Variants in DLC1 observed in about 807,000 individuals in gnomAD.
DLC1 encodes DLC1 Rho GTPase activating protein.
A neutral mutation model predicts 140.3 loss-of-function variants in DLC1; 54 were observed. The ratio of observed to expected loss-of-function variants is 0.38; its 90% CI spans 0.31 to 0.48. The LOEUF (loss-of-function observed/expected upper bound fraction) is 0.48, where lower values mean the gene tolerates loss of function less well. Ranked by LOEUF, DLC1 falls within the 20% of genes least tolerant of loss-of-function variation. DLC1 has a pLI of 0.96. For synonymous variants in DLC1, 986 were observed against 728.1 expected, an observed-to-expected ratio of 1.35 and a Z score of -5.70; for missense variants, 2,536 against 1,907.0, an observed-to-expected ratio of 1.33 and a Z score of -6.14.
chr8:13,206,304 A>G (rs1465441418), intron 5 of DLC1, among the ~76,000 whole-genome samples: 3 of 152,176 alleles, frequency 2.0e-5, no homozygotes, highest in Admixed American at 2.0e-4. Flanking sequence ...CCCAGTAAAA[A>G]CACAGTCGAC....
At chr8:13,332,923 C>T (rs1349959) in intron 4 of DLC1, among the ~76,000 whole-genome samples, 129,804 of 151,676 alleles carry the variant, frequency 0.86, 55,952 homozygotes, top group East Asian at 0.95. Context: ...TCTCGGATGC[C>T]AAAATCTCCT....
intron 5 of DLC1, among the ~76,000 whole-genome samples, chr8:13,171,473 T>G (rs958577136): frequency 2.0e-5 from 3 of 152,098 alleles, no homozygotes; most frequent in Non-Finnish European, 4.4e-5. Flanking sequence ...TCACTGCAGC[T>G]TCAAACTCCT....
At chr8:13,580,107 T>A (rs1805030566) in intron 1 of DLC1, among the ~76,000 whole-genome samples, 1 of 116,642 alleles carries the variant, frequency 8.6e-6, no homozygotes, top group Non-Finnish European at 1.8e-5. Context: ...CAGCTTCTAA[T>A]TTAAGTTGGT....
At chr8:13,351,776 T>G (rs980348313) in intron 4 of DLC1, among the ~76,000 whole-genome samples, 2 of 152,238 alleles carry the variant, frequency 1.3e-5, no homozygotes, top group East Asian at 1.9e-4. Flanking sequence ...AATAATTCCC[T>G]GGATGTCTAT....
chr8:13,171,557 A>AT (rs1825483048), intron 5 of DLC1, among the ~76,000 whole-genome samples: 2 of 151,808 alleles, frequency 1.3e-5, no homozygotes, highest in South Asian at 4.2e-4. Context: ...TGCCCCACTA[A>AT]TTTTTTATTT....
intron 5 of DLC1, among the ~76,000 whole-genome samples, chr8:13,269,725 AGACACATTAT>A (rs1830843912): frequency 6.9e-6 from 1 of 145,830 alleles, no homozygotes; most frequent in Non-Finnish European, 1.5e-5. Flanking sequence ...AAAAAAAAAA[AGACACATTAT>A]AATTAAAACT....
At chr8:13,451,865 T>C (rs1799074903) in intron 2 of DLC1, among the ~76,000 whole-genome samples, 3 of 152,184 alleles carry the variant, frequency 2.0e-5, no homozygotes, top group Non-Finnish European at 1.5e-5. Flanking sequence ...TTAATTTCTT[T>C]TTTTGGGAGG....
chr8:13,570,486 C>T (rs1043169506), intron 1 of DLC1, among the ~76,000 whole-genome samples: 1 of 137,542 alleles, frequency 7.3e-6, no homozygotes, highest in African/African-American at 2.8e-5. Context: ...TGATATTCCC[C>T]TTCCTGTGTC....
At chr8:13,090,157 C>G (rs754128463) in intron 15 of DLC1, 95 bp downstream of exon 15, 1 of 1,217,328 alleles carries the variant, frequency 8.2e-7, no homozygotes, top group African/African-American at 1.5e-5. Flanking sequence ...GGCTACAGAT[C>G]CCCAGACAGA....
chr8:13,494,578 T>A (rs756171269), intron 2 of DLC1, among the ~76,000 whole-genome samples: 2 of 152,140 alleles, frequency 1.3e-5, no homozygotes, highest in Non-Finnish European at 2.9e-5. Context: ...TATCCCTATT[T>A]TATGCGTGTG....
intron 5 of DLC1, among the ~76,000 whole-genome samples, chr8:13,296,418 G>A (rs1304135752): frequency 1.3e-5 from 2 of 152,162 alleles, no homozygotes; most frequent in Admixed American, 1.3e-4. Flanking sequence ...ATGCAAAGCT[G>A]TCTTATTGGC....
At chr8:13,523,713 C>T (rs978099918) in intron 1 of DLC1, among the ~76,000 whole-genome samples, 3 of 152,010 alleles carry the variant, frequency 2.0e-5, no homozygotes, top group Non-Finnish European at 4.4e-5. Flanking sequence ...AAAAAATTAG[C>T]ATGGTTTAGA....
chr8:13,502,178 A>G (rs1801849291), intron 1 of DLC1, among the ~76,000 whole-genome samples: 1 of 152,222 alleles, frequency 6.6e-6, no homozygotes, highest in East Asian at 1.9e-4. Flanking sequence ...CTCAACCTTG[A>G]CAAGTAGGTA....
intron 1 of DLC1, among the ~76,000 whole-genome samples, chr8:13,574,781 C>T (rs1045450180): frequency 6.6e-6 from 1 of 152,156 alleles, no homozygotes; most frequent in Non-Finnish European, 1.5e-5. Context: ...TCAGCTCAAT[C>T]CTGAACATCT....
rs10113005 is a variant in DLC1 at position 13,580,125 on chromosome 8, A to T, written c.-126+24412T>A. ...CTTCTAATTTAAGTTGGTTACATTTATTTTTTTATTTTTTTGAGACAGAGT... is the reference window on the plus strand; with the variant it reads ...CTTCTAATTTAAGTTGGTTACATTTTTTTTTTTATTTTTTTGAGACAGAGT... On this transcript the variant is annotated intron_variant, in intron 1 of 1. Transcript: ENST00000631382. 4.6e-3 allele frequency among the ~76,000 whole-genome samples: 55 copies of T among 12,016 alleles called. 1 individual carries two copies. The highest frequency in any genetic ancestry group is 0.027 in the South Asian group (7 of 262). 7.9% of individuals were successfully genotyped at this position (12,016 alleles called of 152,430 possible).
intron 2 of DLC1, among the ~76,000 whole-genome samples, chr8:13,412,879 C>G (rs569650922): frequency 2.2e-5 from 3 of 138,680 alleles, no homozygotes; most frequent in Non-Finnish European, 4.5e-5. Flanking sequence ...TTGCAGTAAG[C>G]TGAGATCGTG....
intron 4 of DLC1, among the ~76,000 whole-genome samples, chr8:13,328,351 CA>C (rs1833452829): frequency 7.4e-6 from 1 of 135,920 alleles, no homozygotes; most frequent in South Asian, 2.8e-4. Flanking sequence ...ATTCATGCCT[CA>C]GTTATATTTT....
chr8:13,091,519 A>AG lies in DLC1; in HGVS notation c.3741-88dup, dbSNP rs1308528585. 4 of 1,251,754 alleles carry AG rather than the reference A, an allele frequency of 3.2e-6. 1 individual carries two copies. Among genetic ancestry groups the AG allele is most frequent in the South Asian group, 3.2e-5 (2 of 61,840 alleles). The allele number at this position is 1,251,754 out of a possible 1,614,324, so 77.5% of individuals were successfully genotyped here. A position where few individuals can be genotyped will look rare whatever the true frequency, so the allele number is the denominator to read the frequency against. Reference sequence around the variant, plus strand: ...TTATTCAAGGAAACCCAAAGAAGAGAGAAAAAAAAATTTTCACTGGAATCT... The same window carrying AG: ...TTATTCAAGGAAACCCAAAGAAGAGAGGAAAAAAAAATTTTCACTGGAATCT... On this transcript the variant is annotated intron_variant, in intron 13 of 17. Coordinates refer to ENST00000276297, the MANE Select transcript of DLC1 (RefSeq NM_182643.3).
intron 4 of DLC1, among the ~76,000 whole-genome samples, chr8:13,378,234 C>T (rs1487775634): frequency 1.3e-5 from 2 of 149,008 alleles, no homozygotes; most frequent in Admixed American, 1.3e-4. Flanking sequence ...TGTAAGATGT[C>T]CTAATTCCAG....
Sources: gnomAD v4.1 joint callset for allele counts (sites outside exome capture counted in the v4.1 genomes callset) on GRCh38, gnomAD v4.1.1 for gene constraint, MANE v1.5 for transcripts, NCBI Gene and HGNC (gene_info 2026-07-23, HGNC 2026-07-21) for gene names.